Variants in PCGF3 observed in about 807,000 individuals in gnomAD.
PCGF3 encodes the protein polycomb group RING finger protein 3.
A neutral mutation model predicts 33.1 loss-of-function variants in PCGF3; 7 were observed. That is an observed-to-expected ratio of 0.21 (90% CI 0.12 to 0.40). The LOEUF is 0.40. PCGF3 is among the 10% of genes least tolerant of loss of function. PCGF3 has a pLI of 1.00. For missense variants in PCGF3, 211 were observed against 313.3 expected, an observed-to-expected ratio of 0.67 and a Z score of 2.46; for synonymous variants, 153 against 121.3, an observed-to-expected ratio of 1.26 and a Z score of -1.72.
At chr4:756,855 T>A (rs1744791585) in intron 8 of PCGF3, among the ~76,000 whole-genome samples, 1 of 152,186 alleles carries the variant, frequency 6.6e-6, no homozygotes, top group Admixed American at 6.5e-5. Flanking sequence ...ATGGAAACCA[T>A]CTGAGACTGC....
intron 9 of PCGF3, 54 bp downstream of exon 9, chr4:761,470 G>C (rs1560219197): frequency 1.3e-6 from 2 of 1,493,336 alleles, no homozygotes; most frequent in Non-Finnish European, 9.0e-7. Context: ...TATTTCTAAA[G>C]GTAACTCCAA....
At chr4:716,147 T>C (rs1742824379) in intron 1 of PCGF3, among the ~76,000 whole-genome samples, 1 of 116,898 alleles carries the variant, frequency 8.6e-6, no homozygotes, top group African/African-American at 3.0e-5. Flanking sequence ...TGGGACCCTG[T>C]AGACACTGAG....
At chr4:723,841 C>G (rs557757000) in intron 1 of PCGF3, 1 of 152,566 alleles carries the variant, frequency 6.6e-6, no homozygotes, top group South Asian at 2.1e-4. Context: ...CCCCACGGCA[C>G]CGCAGGCTGG....
intron 1 of PCGF3, among the ~76,000 whole-genome samples, chr4:719,317 C>G (rs79047899): frequency 6.6e-6 from 1 of 152,144 alleles, no homozygotes; most frequent in Non-Finnish European, 1.5e-5. Context: ...TGTAAAGTTC[C>G]GTTTTCCTCC....
chr4:733,866 G>A, intron 4 of PCGF3, 77 bp downstream of exon 4: 2 of 1,610,188 alleles, frequency 1.2e-6, no homozygotes, highest in Non-Finnish European at 1.7e-6. Context: ...TGGCTTTTGT[G>A]TTACCACACG....
rs115402713 is a variant in PCGF3, at chr4:710,816, G to A, written c.-190+4846G>A. ...CCTTCCCAACAGCTTCAAGTGCAAG[G>A]ATTTTTGCTGTTCCCAGAGTCCCCT... On this transcript the variant is annotated intron_variant, in intron 1 of 10. Coordinates refer to ENST00000362003, the Ensembl canonical transcript of PCGF3. Among the ~76,000 whole-genome samples the A allele has an allele frequency of 2.2e-3, 341 of 152,318 alleles. 1 individual carries two copies. Among genetic ancestry groups the A allele is most frequent in the African/African-American group, 7.4e-3 (309 of 41,580 alleles).
At chr4:765,893 G>GC in intron 10 of PCGF3, 139 bp from the exon 11 acceptor site, 1 of 746,564 alleles carries the variant, frequency 1.3e-6, no homozygotes, top group Non-Finnish European at 2.3e-6. Flanking sequence ...CTGTTGCTCA[G>GC]AACAGAAGGG....
intron 1 of PCGF3, among the ~76,000 whole-genome samples, chr4:726,227 A>G (rs548050649): frequency 1.3e-5 from 2 of 152,256 alleles, no homozygotes; most frequent in Non-Finnish European, 2.9e-5. Context: ...ACAGTTGAGC[A>G]TTTAAAACAT....
intron 3 of PCGF3, among the ~76,000 whole-genome samples, chr4:732,976 G>A (rs1281398745): frequency 6.6e-6 from 1 of 151,824 alleles, no homozygotes; most frequent in Non-Finnish European, 1.5e-5. Flanking sequence ...GAGCGGCTGC[G>A]GCAGCTGTCA....
intron 2 of PCGF3, 63 bp from the exon 3 acceptor site, chr4:730,907 G>A (rs1743527889): frequency 5.0e-6 from 2 of 397,624 alleles, no homozygotes; most frequent in Non-Finnish European, 4.4e-6. Context: ...TAGGAATGGC[G>A]GAGTTGTGGC....
intron 9 of PCGF3, chr4:762,428 C>T (rs1473441424): frequency 6.6e-6 from 1 of 152,238 alleles, no homozygotes; most frequent in Non-Finnish European, 1.5e-5. Context: ...AAGCATCCCC[C>T]AGATTCATGT....
Position 765,982 on chromosome 4 carries a change from C to T in PCGF3, c.682-50C>T, listed in dbSNP as rs550256235. ...ACCCTTCCCGATGAAGTAGGTCCTT[C>T]TCGCCTCCACCCCTGCTAAGCAGGC... On this transcript the variant is annotated intron_variant, in intron 10 of 10. Coordinates refer to ENST00000362003, the Ensembl canonical transcript of PCGF3. 9 of 1,579,854 alleles carry T rather than the reference C, an allele frequency of 5.7e-6. No individual in the cohort carries two copies. The Admixed American group carries it at 8.3e-5, about 15-fold the overall frequency.
At chr4:735,447 G>GAGGC (rs572937103) in intron 5 of PCGF3, among the ~76,000 whole-genome samples, 36 of 152,342 alleles carry the variant, frequency 2.4e-4, no homozygotes, top group African/African-American at 8.2e-4. Context: ...TCAGGAGGCT[G>GAGGC]AGGCAGGAGA....
intron 9 of PCGF3, 29 bp downstream of exon 9, chr4:761,445 TAAC>T (rs771959083): frequency 1.9e-6 from 3 of 1,548,942 alleles, no homozygotes; most frequent in African/African-American, 2.8e-5. Flanking sequence ...GTAGAAACCA[TAAC>T]AAGTCCTCTC....
Position 727,233 on chromosome 4 carries a change from C to CTTTTTTTTTTTTTTTTTTT in PCGF3, c.-189-3390_-189-3372dup, listed in dbSNP as rs57690550. 6.3e-4 allele frequency among the ~76,000 whole-genome samples: 39 copies of CTTTTTTTTTTTTTTTTTTT among 61,900 alleles called. 8 individuals are homozygous for CTTTTTTTTTTTTTTTTTTT. Among genetic ancestry groups the CTTTTTTTTTTTTTTTTTTT allele is most frequent in the Non-Finnish European group, 9.0e-4 (31 of 34,634 alleles). 40.6% of individuals were successfully genotyped at this position (61,900 alleles called of 152,430 possible). A position where few individuals can be genotyped will look rare whatever the true frequency, so the allele number is the denominator to read the frequency against. On this transcript the variant is annotated intron_variant, in intron 1 of 10. Transcript: ENST00000362003. ...AGAGGATGTGTGTGTTAGCGAGCGT[C>CTTTTTTTTTTTTTTTTTTT]TTTTTTTTTTTTTTTTTTTTTTTTT...
intron 9 of PCGF3, among the ~76,000 whole-genome samples, chr4:763,173 T>G (rs542774355): frequency 6.6e-6 from 1 of 152,166 alleles, no homozygotes; most frequent in Non-Finnish European, 1.5e-5. Context: ...GGGGCAACGC[T>G]TTTTGCTAAG....
intron 4 of PCGF3, chr4:734,163 G>A (rs953646797): frequency 2.3e-5 from 34 of 1,506,160 alleles, no homozygotes; most frequent in Admixed American, 2.0e-4. Flanking sequence ...CACACCTGAT[G>A]TGCGTCCTCA....
At chr4:769,813 GCAGCCACC>G (rs1745547242) in exon 11 of PCGF3, 1 of 152,692 alleles carries the variant, frequency 6.5e-6, no homozygotes, top group Non-Finnish European at 1.5e-5. Flanking sequence ...GGAAGACAGT[GCAGCCACC>G]CAGCCTTTAC....
At chr4:769,405 G>C (rs1184228011) in exon 11 of PCGF3, 1 of 152,706 alleles carries the variant, frequency 6.5e-6, no homozygotes, top group Non-Finnish European at 1.5e-5. Context: ...AATAAGTTTA[G>C]TGCACATAGC....
Sources: allele counts gnomAD v4.1 joint callset (sites outside exome capture counted in the v4.1 genomes callset), GRCh38; gene constraint gnomAD v4.1.1; transcripts MANE v1.5; gene names NCBI Gene and HGNC (gene_info 2026-07-23, HGNC 2026-07-21).